The following HYAL4 variants were observed in gnomAD, a reference collection of about 807,000 sequenced individuals.
HYAL4 encodes the protein hyaluronidase 4, also known as hyaluronidase-4.
HYAL4 carries 37 observed loss-of-function variants against 35.2 expected under a neutral mutation model. The ratio of observed to expected loss-of-function variants is 1.05; its 90% CI spans 0.81 to 1.38. HYAL4 has a LOEUF of 1.38. HYAL4 is among the 40% of genes most tolerant of loss of function. The pLI is 0.00. For missense variants in HYAL4, 572 were observed against 572.4 expected (o/e 1.00, Z 0.01); for synonymous variants, 198 against 203.2 (o/e 0.97, Z 0.22).
chr7:123,864,259 T>G (rs2116949764), intron 2 of HYAL4, among the ~76,000 whole-genome samples: 1 of 152,288 alleles, frequency 6.6e-6, no homozygotes, highest in Admixed American at 6.5e-5. Context: ...AAATCATTTG[T>G]TCAGGGGCCT....
the HYAL4 span, among the ~76,000 whole-genome samples, chr7:123,783,480 T>C: frequency 6.6e-6 from 1 of 152,272 alleles, no homozygotes; most frequent in East Asian, 1.9e-4. Flanking sequence ...TATTAAAACA[T>C]AGAGAAGGAA....
At chr7:123,856,940 T>C (rs1415747391) in intron 2 of HYAL4, among the ~76,000 whole-genome samples, 4 of 152,110 alleles carry the variant, frequency 2.6e-5, no homozygotes, top group Non-Finnish European at 5.9e-5. Flanking sequence ...CGAGCTGTGG[T>C]GGATTCCACC....
At chr7:123,788,891 C>T in the HYAL4 span, among the ~76,000 whole-genome samples, 1 of 152,198 alleles carries the variant, frequency 6.6e-6, no homozygotes. Context: ...CAAGCCTGTT[C>T]TTTAGATAGC....
At chr7:123,850,543 T>A (rs1806280539) in intron 2 of HYAL4, among the ~76,000 whole-genome samples, 1 of 152,138 alleles carries the variant, frequency 6.6e-6, no homozygotes, top group African/African-American at 2.4e-5. Flanking sequence ...CGACTCTACT[T>A]ATAATAGAAT....
chr7:123,770,302 T>C, the HYAL4 span, among the ~76,000 whole-genome samples: 2 of 151,270 alleles, frequency 1.3e-5, no homozygotes, highest in Non-Finnish European at 2.9e-5. Flanking sequence ...GTTAGCTGGG[T>C]GTGGTGACGG....
chr7:123,768,608 C>T, the HYAL4 span, among the ~76,000 whole-genome samples: 4 of 152,188 alleles, frequency 2.6e-5, no homozygotes, highest in Non-Finnish European at 4.4e-5. Flanking sequence ...CTGCACCAAC[C>T]TTATGGCAGC....
chr7:123,789,399 G>A, the HYAL4 span, among the ~76,000 whole-genome samples: 1 of 152,256 alleles, frequency 6.6e-6, no homozygotes, highest in South Asian at 2.1e-4. Flanking sequence ...TGACTGGGGA[G>A]GGAGGTAACA....
the HYAL4 span, among the ~76,000 whole-genome samples, chr7:123,811,240 A>G: frequency 6.6e-6 from 1 of 152,122 alleles, no homozygotes; most frequent in Non-Finnish European, 1.5e-5. Flanking sequence ...TGGTAAGAGT[A>G]TATGTAATTT....
At chr7:123,857,669 G>C (rs76787938) in intron 2 of HYAL4, among the ~76,000 whole-genome samples, 7,565 of 124,290 alleles carry the variant, frequency 0.061, 369 homozygotes, top group African/African-American at 0.14. Flanking sequence ...TTCTTTGTTT[G>C]TTTCTTTCTT....
chr7:123,819,678 G>A, the HYAL4 span, among the ~76,000 whole-genome samples: 2 of 152,022 alleles, frequency 1.3e-5, no homozygotes, highest in African/African-American at 2.4e-5. Flanking sequence ...TTATGTCCTA[G>A]GGGTGTAATT....
chr7:123,852,551 A>G (rs1441319929), intron 2 of HYAL4, among the ~76,000 whole-genome samples: 1 of 151,928 alleles, frequency 6.6e-6, no homozygotes, highest in African/African-American at 2.4e-5. Flanking sequence ...ATGGTTGTAC[A>G]TGTGGTGTTA....
At position 123,857,733 on chromosome 7, in the gene HYAL4, C is replaced by CTTTA. The variant is rs1198587826; in HGVS notation, c.-52+9575_-52+9576insTTTA. Among the ~76,000 whole-genome samples, 780 of 144,210 alleles carry CTTTA rather than the reference C, an allele frequency of 5.4e-3. 16 individuals carry two copies. Among genetic ancestry groups the CTTTA allele is most frequent in the African/African-American group, 0.019 (744 of 38,508 alleles). 94.6% of individuals were successfully genotyped at this position (144,210 alleles called of 152,430 possible). ...TCTTTCTTTCTTTCTTTCTTTCTTT[C>CTTTA]AATAGAAACAAAACATAATTCAGTT... On this transcript the variant is annotated intron_variant, in intron 2 of 4. Coordinates refer to ENST00000223026, the MANE Select transcript of HYAL4 (RefSeq NM_012269.3).
chr7:123,843,805 C>T (rs1806117246), upstream of HYAL4, among the ~76,000 whole-genome samples: 1 of 151,892 alleles, frequency 6.6e-6, no homozygotes, highest in Non-Finnish European at 1.5e-5. Context: ...GAATCTTGTG[C>T]ATCCGTCATG....
At chr7:123,768,320 T>G in the HYAL4 span, among the ~76,000 whole-genome samples, 1 of 152,214 alleles carries the variant, frequency 6.6e-6, no homozygotes, top group South Asian at 2.1e-4. Flanking sequence ...TCTCACTTTA[T>G]TTACATGGGT....
chr7:123,771,108 C>T, the HYAL4 span, among the ~76,000 whole-genome samples: 1 of 152,146 alleles, frequency 6.6e-6, no homozygotes, highest in African/African-American at 2.4e-5. Context: ...TTTAAATAAT[C>T]TACCCTGGGA....
the HYAL4 span, among the ~76,000 whole-genome samples, chr7:123,821,446 T>C: frequency 7.2e-4 from 109 of 152,354 alleles, no homozygotes; most frequent in African/African-American, 2.5e-3. Flanking sequence ...TCTTTGTATG[T>C]CTTCTTTGGA....
intron 1 of HYAL4, among the ~76,000 whole-genome samples, chr7:123,835,869 G>A (rs1008254528): frequency 1.3e-5 from 2 of 152,084 alleles, no homozygotes; most frequent in East Asian, 1.9e-4. Context: ...TAATTTCCAT[G>A]TATTTGCATG....
At chr7:123,769,996 CAA>C in the HYAL4 span, among the ~76,000 whole-genome samples, 1 of 150,350 alleles carries the variant, frequency 6.7e-6, no homozygotes, top group Non-Finnish European at 1.5e-5. Flanking sequence ...TTTTTTTAAA[CAA>C]TATTTAAAAA....
intron 1 of HYAL4, among the ~76,000 whole-genome samples, chr7:123,831,099 G>A (rs1010195335): frequency 2.6e-5 from 4 of 152,202 alleles, no homozygotes; most frequent in Non-Finnish European, 5.9e-5. Context: ...GAGGTGTTTG[G>A]ATCATGGAAA....
Sources: gnomAD v4.1 joint callset for allele counts (sites outside exome capture counted in the v4.1 genomes callset) on GRCh38, gnomAD v4.1.1 for gene constraint, MANE v1.5 for transcripts, NCBI Gene and HGNC (gene_info 2026-07-23, HGNC 2026-07-21) for gene names.